NGLY1: variants seen among roughly 807,000 people sequenced by gnomAD.
NGLY1 encodes peptide-N(4)-(N-acetyl-beta-glucosaminyl)asparagine amidase.
Under a neutral mutation model 84.6 loss-of-function variants are expected in NGLY1, and 68 were observed. The observed-to-expected ratio is 0.80, with a 90% CI of 0.66 to 0.98. NGLY1 has a LOEUF of 0.98. NGLY1 is among the 50% of genes least tolerant of loss of function. The pLI, the probability that NGLY1 is intolerant of heterozygous loss-of-function variation, is 0.00. For missense variants in NGLY1, 779 were observed against 770.2 expected, an observed-to-expected ratio of 1.01 and a Z score of -0.14; for synonymous variants, 280 against 275.2, an observed-to-expected ratio of 1.02 and a Z score of -0.17.
At chr3:25,725,509 A>G (rs1705206468) in intron 10 of NGLY1, among the ~76,000 whole-genome samples, 1 of 152,252 alleles carries the variant, frequency 6.6e-6, no homozygotes, top group Non-Finnish European at 1.5e-5. Context: ...GGTCAGAAGC[A>G]CAGGTAAAAC....
chr3:25,783,020 C>T lies in NGLY1; in HGVS notation c.131+240G>A, dbSNP rs1708490561. ...CAGTTCACCCGCAGCACCCTGACTGCAGGTGCCAAGTCACAACTGCAAAGA... is the reference window on the plus strand; with the variant it reads ...CAGTTCACCCGCAGCACCCTGACTGTAGGTGCCAAGTCACAACTGCAAAGA... On this transcript the variant is annotated intron_variant, in intron 1 of 11. Transcript: ENST00000280700. The surrounding 1 kb of genome is among the most constrained non-coding windows in gnomAD (Gnocchi z 4.5). The T allele has an allele frequency of 6.4e-6, 3 of 471,814 alleles. No homozygotes were observed. The allele number at this position is 471,814 out of a possible 1,614,324, so 29.2% of individuals were successfully genotyped here.
At chr3:25,779,880 G>A (rs1001362678) in intron 1 of NGLY1, among the ~76,000 whole-genome samples, 1 of 151,510 alleles carries the variant, frequency 6.6e-6, no homozygotes, top group Non-Finnish European at 1.5e-5. Flanking sequence ...TATTTTTTTT[G>A]CTATTCAAAA....
At position 25,783,252 on chromosome 3, in the gene NGLY1, C is replaced by T; in HGVS notation, c.131+8G>A. 2.5e-6 allele frequency: 4 copies of T among 1,605,880 alleles called. No homozygotes were observed. The highest frequency in any genetic ancestry group is 3.4e-6 in the Non-Finnish European group (4 of 1,175,150). On this transcript the variant is annotated splice_region_variant and intron_variant, in intron 1 of 11. Transcript: ENST00000280700. The surrounding 1 kb of genome is among the most constrained non-coding windows in gnomAD (Gnocchi z 4.5). ...CGGTACCCGCCGTCCGACCCCGTTGCCCTGCACCTGAGGATGTTGTCAGCA... is the reference window on the plus strand; with the variant it reads ...CGGTACCCGCCGTCCGACCCCGTTGTCCTGCACCTGAGGATGTTGTCAGCA...
chr3:25,789,759 A>G, intron 1 of NGLY1: 1 of 1,324,472 alleles, frequency 7.6e-7, no homozygotes. Flanking sequence ...TCTTTCTTAC[A>G]ATTCCAGTAG....
chr3:25,744,075 T>C (rs545590793), intron 4 of NGLY1, among the ~76,000 whole-genome samples: 1 of 152,216 alleles, frequency 6.6e-6, no homozygotes, highest in African/African-American at 2.4e-5. Flanking sequence ...TAAACGTAGA[T>C]TTCTAGTAAC....
intron 2 of NGLY1, among the ~76,000 whole-genome samples, chr3:25,769,989 T>C (rs768037838): frequency 6.6e-6 from 1 of 152,178 alleles, no homozygotes; most frequent in African/African-American, 2.4e-5. Context: ...TCTTAGGCCT[T>C]TGCATCCACA....
chr3:25,751,212 C>A lies in NGLY1; in HGVS notation c.544G>T (p.Val182Leu). 3 of 1,612,062 alleles carry A rather than the reference C, an allele frequency of 1.9e-6. No homozygotes were observed. The highest frequency in any genetic ancestry group is 2.2e-5 in the South Asian group (2 of 90,732). ...AGAGCAGGATTTTCATAGACCAGCA[C>A]ATGCTGAATGTTGGACTGAAGAACT... ...LEVLQSNIQH[V>L]LVYENPALQE... is the part of the protein sequence containing the mutation. The change falls in exon 4 of 12, where the codon GTG becomes TTG. Residue 182 changes from valine (V) to leucine (L), a missense_variant. By Grantham distance (32) the Val-to-Leu change is conservative. Coordinates refer to ENST00000280700, the MANE Select transcript of NGLY1 (RefSeq NM_018297.4).
chr3:25,733,901 G>C lies in NGLY1; in HGVS notation c.1231C>G (p.Arg411Gly). The change falls in exon 8 of 12, where the codon CGA becomes GGA. Residue 411 changes from arginine (R) to glycine (G), a missense_variant. Transcript: ENST00000280700. ...RRTKVKEALL[R>G]DTINGLNKQR... ...TTATTAAGCCCATTAATAGTGTCTCGAAGTAATGCTTCTTTAACCTTAGTT... is the reference window on the plus strand; with the variant it reads ...TTATTAAGCCCATTAATAGTGTCTCCAAGTAATGCTTCTTTAACCTTAGTT... The C allele has an allele frequency of 1.2e-6, 2 of 1,613,484 alleles. No homozygotes were observed. The highest frequency in any genetic ancestry group is 1.3e-5 in the African/African-American group (1 of 74,984).
chr3:25,773,374 C>G (rs1559557204), intron 2 of NGLY1, among the ~76,000 whole-genome samples: 2 of 152,130 alleles, frequency 1.3e-5, no homozygotes, highest in Non-Finnish European at 2.9e-5. Flanking sequence ...AAAGCCTCAT[C>G]TTTGAGCTCT....
At chr3:25,743,115 T>C (rs1706237005) in intron 4 of NGLY1, among the ~76,000 whole-genome samples, 1 of 152,078 alleles carries the variant, frequency 6.6e-6, no homozygotes, top group Non-Finnish European at 1.5e-5. Flanking sequence ...AACCAAGGAC[T>C]GCCAGCAGCA....
intron 10 of NGLY1, among the ~76,000 whole-genome samples, chr3:25,727,107 G>A (rs1297060463): frequency 2.0e-5 from 3 of 152,142 alleles, no homozygotes; most frequent in Non-Finnish European, 4.4e-5. Flanking sequence ...TGCTAGTACA[G>A]AACCAGAAAT....
intron 5 of NGLY1, among the ~76,000 whole-genome samples, chr3:25,739,098 A>G (rs1705991906): frequency 6.6e-6 from 1 of 152,220 alleles, no homozygotes; most frequent in Non-Finnish European, 1.5e-5. Flanking sequence ...TAAAATAATC[A>G]TCCGATGATA....
chr3:25,719,652 A>AC lies in NGLY1; in HGVS notation c.1790-18_1790-17insG. 6.3e-7 allele frequency: 1 copy of AC among 1,591,908 alleles called. No homozygotes were observed. The highest frequency in any genetic ancestry group is 2.2e-5 in the East Asian group (1 of 44,578). On this transcript the variant is annotated splice_polypyrimidine_tract_variant and intron_variant, in intron 11 of 11. Transcript: ENST00000280700. ...GACTGTTATCTGTTAGAGGGAAAAA[A>AC]AAAATTAACATTTTGCTTTTGGTAA...
At chr3:25,771,389 A>G (rs1435567490) in intron 2 of NGLY1, among the ~76,000 whole-genome samples, 1 of 152,144 alleles carries the variant, frequency 6.6e-6, no homozygotes, top group African/African-American at 2.4e-5. Flanking sequence ...ATTCTATTCT[A>G]TTGGTTTATG....
intron 2 of NGLY1, among the ~76,000 whole-genome samples, chr3:25,772,336 G>C (rs570854394): frequency 6.6e-6 from 1 of 152,092 alleles, no homozygotes; most frequent in Admixed American, 6.6e-5. Flanking sequence ...CCAGTGTTAG[G>C]TGCATACATA....
intron 3 of NGLY1, among the ~76,000 whole-genome samples, chr3:25,757,184 G>A (rs1214509134): frequency 6.6e-6 from 1 of 152,108 alleles, no homozygotes; most frequent in African/African-American, 2.4e-5. Context: ...ATTAGGGAAA[G>A]GTAATAGAAA....
intron 7 of NGLY1, 80 bp from the exon 8 acceptor site, chr3:25,734,062 TAATTTTTA>T: frequency 6.4e-7 from 1 of 1,558,048 alleles, no homozygotes; most frequent in Non-Finnish European, 8.7e-7. Context: ...AGAATGTATG[TAATTTTTA>T]AATGCATTTT....
At chr3:25,734,184 G>A in intron 7 of NGLY1, 1 of 538,766 alleles carries the variant, frequency 1.9e-6, no homozygotes, top group Non-Finnish European at 3.1e-6. Flanking sequence ...TCGTATCTCA[G>A]CCTCCTGAGT....
rs1363598192 is a variant in NGLY1 at position 25,719,998 on chromosome 3, C to T, written c.1789+16G>A. The T allele has an allele frequency of 1.9e-6, 3 of 1,596,252 alleles. No individual in the cohort carries two copies. In the African/African-American group the frequency reaches 4.0e-5, roughly 21 times the overall value. ...AAATATATATTTCGTGATTAATTCT[C>T]CAGGCAAATGCTTACCGCCTGTCAG... On this transcript the variant is annotated intron_variant, in intron 11 of 11. Transcript: ENST00000280700.
Sources: gnomAD v4.1 joint callset for allele counts (sites outside exome capture counted in the v4.1 genomes callset) on GRCh38, gnomAD v4.1.1 for gene constraint, Gnocchi (gnomAD v3.1) non-coding constraint, MANE v1.5 for transcripts, NCBI Gene and HGNC (gene_info 2026-07-23, HGNC 2026-07-21) for gene names.